Variants in CXXC4 observed in about 807,000 individuals in gnomAD.
CXXC4 encodes the protein CXXC finger protein 4, also known as CXXC-type zinc finger protein 4.
CXXC4 carries 5 observed loss-of-function variants against 20.5 expected under a neutral mutation model. That is an observed-to-expected ratio of 0.24 (90% CI 0.13 to 0.51). The LOEUF is 0.51. Among genes scored for constraint, CXXC4 ranks in the 20% least tolerant of loss-of-function variants. The pLI is 0.97. For synonymous variants in CXXC4, 250 were observed against 216.4 expected, an observed-to-expected ratio of 1.16 and a Z score of -1.36; for missense variants, 419 against 496.4, an observed-to-expected ratio of 0.84 and a Z score of 1.48.
rs746334700 is a variant in CXXC4, at chr4:104,490,840, G to A, written c.963C>T (p.Gly321=). 2.1e-5 allele frequency: 34 copies of A among 1,614,064 alleles called. No individual in the cohort carries two copies. Among genetic ancestry groups the A allele is most frequent in the Non-Finnish European group, 2.7e-5 (32 of 1,180,034 alleles). ...CVPCKRLINC[G]VCSSCRNRKT... ...TGCGGTTCCTGCAACTGCTGCAGAC[G>A]CCACAGTTGATGAGCCTCTTGCAGG... Residue 321 remains glycine, a synonymous_variant, in exon 2 of 3, where the codon GGC becomes GGT. Transcript: ENST00000394767.
intron 2 of CXXC4, among the ~76,000 whole-genome samples, chr4:104,490,157 C>T (rs1459888867): frequency 6.6e-6 from 1 of 152,114 alleles, no homozygotes; most frequent in African/African-American, 2.4e-5. Flanking sequence ...ATCAGATACG[C>T]AGAAAATAAA....
chr4:104,482,059 T>C (rs966175138), intron 2 of CXXC4, among the ~76,000 whole-genome samples: 44 of 152,204 alleles, frequency 2.9e-4, no homozygotes, highest in African/African-American at 1.0e-3. Flanking sequence ...TACATACACA[T>C]ACATTTCTTT....
At chr4:104,478,190 C>T (rs901298301) in intron 2 of CXXC4, among the ~76,000 whole-genome samples, 1 of 152,280 alleles carries the variant, frequency 6.6e-6, no homozygotes, top group East Asian at 1.9e-4. Flanking sequence ...TCCTGTTGCT[C>T]TCTTTGCCTT....
chr4:104,475,839 G>A (rs898573183), intron 2 of CXXC4, among the ~76,000 whole-genome samples: 2 of 152,064 alleles, frequency 1.3e-5, no homozygotes, highest in Non-Finnish European at 2.9e-5. Context: ...TGAAGAGAAG[G>A]GGGTGGGGAG....
chr4:104,476,517 C>T (rs561754979), intron 2 of CXXC4, among the ~76,000 whole-genome samples: 2 of 152,232 alleles, frequency 1.3e-5, no homozygotes, highest in South Asian at 4.1e-4. Flanking sequence ...GCAATATTTA[C>T]AAAACTGCAC....
Position 104,491,482 on chromosome 4 carries a change from G to A in CXXC4, c.321C>T (p.Ser107=). ...AAAATAMLWG[S]GGGGGGGGGG... is the part of the protein sequence containing the mutation. ...CCCCGCCGCCGCCCCCGCCCCCGCC[G>A]CTGCCCCAGAGCATGGCGGTGGCGG... The change falls in exon 2 of 3, where the codon AGC becomes AGT. Residue 107 remains serine, a synonymous_variant. Transcript: ENST00000394767. 1 of 549,670 alleles carries A rather than the reference G, an allele frequency of 1.8e-6. No individual in the cohort carries two copies. The highest frequency in any genetic ancestry group is 2.4e-6 in the Non-Finnish European group (1 of 408,594). 34.0% of individuals were successfully genotyped at this position (549,670 alleles called of 1,614,324 possible).
chr4:104,492,952 C>T (rs1363466408), intron 1 of CXXC4, among the ~76,000 whole-genome samples: 4 of 151,272 alleles, frequency 2.6e-5, no homozygotes, highest in Non-Finnish European at 4.4e-5. Context: ...CCTAATCATT[C>T]CTAATGGAGA....
intron 2 of CXXC4, among the ~76,000 whole-genome samples, chr4:104,472,933 A>T (rs889213606): frequency 6.6e-6 from 1 of 151,960 alleles, no homozygotes; most frequent in African/African-American, 2.4e-5. Flanking sequence ...TGAGTGAGAC[A>T]TATAAGCATT....
intron 2 of CXXC4, among the ~76,000 whole-genome samples, chr4:104,476,830 C>T (rs1036169222): frequency 3.3e-5 from 5 of 152,082 alleles, no homozygotes. Context: ...AAATAATTTC[C>T]TGTTTTCCCA....
chr4:104,480,759 T>C (rs1369207729), intron 2 of CXXC4, among the ~76,000 whole-genome samples: 1 of 152,228 alleles, frequency 6.6e-6, no homozygotes, highest in East Asian at 1.9e-4. Flanking sequence ...CATTTCTTTT[T>C]GCCAATACGC....
intron 2 of CXXC4, among the ~76,000 whole-genome samples, chr4:104,482,289 A>G (rs1736576199): frequency 6.6e-6 from 1 of 152,088 alleles, no homozygotes; most frequent in Non-Finnish European, 1.5e-5. Context: ...AAAGAATCAC[A>G]TGAGGAAAAT....
chr4:104,481,688 G>A (rs1736561770), intron 2 of CXXC4, among the ~76,000 whole-genome samples: 1 of 152,092 alleles, frequency 6.6e-6, no homozygotes, highest in Admixed American at 6.5e-5. Context: ...ATATATGCAT[G>A]TACATATATA....
chr4:104,478,468 G>A (rs1736473343), intron 2 of CXXC4, among the ~76,000 whole-genome samples: 1 of 152,038 alleles, frequency 6.6e-6, no homozygotes, highest in African/African-American at 2.4e-5. Flanking sequence ...ATTCACACTG[G>A]TCCAGAAGTG....
chr4:104,475,459 A>AATG (rs1289379228), intron 2 of CXXC4, among the ~76,000 whole-genome samples: 5 of 152,142 alleles, frequency 3.3e-5, no homozygotes, highest in Non-Finnish European at 7.4e-5. Flanking sequence ...CATCAGGAAC[A>AATG]ATGGAAATGT....
rs1313308059 is a variant in CXXC4 at position 104,469,635 on chromosome 4, GA to G, written c.*2686del. 1 of 151,986 alleles carries G rather than the reference GA, an allele frequency of 6.6e-6. No individual in the cohort carries two copies. Among genetic ancestry groups the G allele is most frequent in the African/African-American group, 2.4e-5 (1 of 41,416 alleles). The allele number at this position is 151,986 out of a possible 1,614,324, so 9.4% of individuals were successfully genotyped here. On this transcript the variant is annotated 3_prime_UTR_variant, in exon 3 of 3. Transcript: ENST00000394767. ...TCTCAGTACAGGGACATATGAGGAA[GA>G]AAACTAGAGAAAGGCCAGAAGAGTC...
At chr4:104,494,894 C>CGAGG (rs1326783398), upstream of CXXC4, 7 of 150,206 alleles carry the variant, frequency 4.7e-5, no homozygotes, top group African/African-American at 1.5e-4. Context: ...TCGCTGTGTG[C>CGAGG]GAGGGAGGGA....
At chr4:104,492,567 T>G (rs890175902) in intron 1 of CXXC4, among the ~76,000 whole-genome samples, 4 of 152,026 alleles carry the variant, frequency 2.6e-5, no homozygotes, top group African/African-American at 9.7e-5. Flanking sequence ...AAGTCTACAA[T>G]ACATCCGAGT....
chr4:104,488,258 T>A (rs1226557212), intron 2 of CXXC4, among the ~76,000 whole-genome samples: 2 of 152,070 alleles, frequency 1.3e-5, no homozygotes, highest in Non-Finnish European at 2.9e-5. Context: ...TGGACCAAAT[T>A]TAAGAGAGAA....
rs142444550 is a variant in CXXC4, at chr4:104,475,483, T to C, written c.1060-3117A>G. 2.7e-3 allele frequency among the ~76,000 whole-genome samples: 408 copies of C among 152,258 alleles called. 3 individuals carry two copies. Among genetic ancestry groups the C allele is most frequent in the African/African-American group, 9.5e-3 (395 of 41,560 alleles). ...CAATGGAAATGTACTTTAGGACTGATTGAGTTTGTTTCAGCCAAGCTGGGT... is the reference window on the plus strand; with the variant it reads ...CAATGGAAATGTACTTTAGGACTGACTGAGTTTGTTTCAGCCAAGCTGGGT... On this transcript the variant is annotated intron_variant, in intron 2 of 2. Coordinates refer to ENST00000394767, the MANE Select transcript of CXXC4 (RefSeq NM_025212.4).
Sources: allele counts gnomAD v4.1 joint callset (sites outside exome capture counted in the v4.1 genomes callset), GRCh38; gene constraint gnomAD v4.1.1; transcripts MANE v1.5; gene names NCBI Gene and HGNC (gene_info 2026-07-23, HGNC 2026-07-21).